The following PTPRD variants were observed in gnomAD, a reference collection of about 807,000 sequenced individuals.
The protein encoded by PTPRD is protein tyrosine phosphatase receptor type D, also known as receptor-type tyrosine-protein phosphatase delta.
PTPRD carries 34 observed loss-of-function variants against 214.5 expected under a neutral mutation model. The ratio of observed to expected loss-of-function variants is 0.16; its 90% confidence interval spans 0.12 to 0.21. The LOEUF (loss-of-function observed/expected upper bound fraction) is 0.21, where lower values mean the gene tolerates loss of function less well. PTPRD is among the 10% of genes least tolerant of loss of function. PTPRD has a pLI of 1.00. For synonymous variants in PTPRD, 1,128 were observed against 845.7 expected (o/e 1.33, Z -5.79); for missense variants, 2,545 against 2,398.7 (o/e 1.06, Z -1.27).
chr9:8,643,833 C>G (rs749848728), intron 12 of PTPRD, among the ~76,000 whole-genome samples: 6 of 152,222 alleles, frequency 3.9e-5, no homozygotes, highest in Non-Finnish European at 8.8e-5. Flanking sequence ...TTGGCGTGAG[C>G]AGCCTGGGTG....
chr9:9,376,378 C>G (rs2060807728), intron 9 of PTPRD, among the ~76,000 whole-genome samples: 1 of 152,104 alleles, frequency 6.6e-6, no homozygotes, highest in Non-Finnish European at 1.5e-5. Flanking sequence ...TCAGTGATTA[C>G]TAAAAACCAA....
At chr9:9,666,219 G>C (rs534006140) in intron 7 of PTPRD, among the ~76,000 whole-genome samples, 1 of 151,894 alleles carries the variant, frequency 6.6e-6, no homozygotes, top group Non-Finnish European at 1.5e-5. Flanking sequence ...ATTGGTGAGG[G>C]ATTGGTTAAT....
chr9:10,004,469 T>C (rs1325852218), intron 4 of PTPRD, among the ~76,000 whole-genome samples: 1 of 151,980 alleles, frequency 6.6e-6, no homozygotes, highest in Non-Finnish European at 1.5e-5. Flanking sequence ...CATTTTCTTT[T>C]CTTTTCACAT....
intron 12 of PTPRD, among the ~76,000 whole-genome samples, chr9:8,677,100 G>A (rs1323896882): frequency 6.6e-6 from 1 of 152,140 alleles, no homozygotes. Context: ...AAAGGATGTT[G>A]CACTTTAATA....
intron 3 of PTPRD, among the ~76,000 whole-genome samples, chr9:10,168,667 A>G (rs1416483755): frequency 1.3e-5 from 2 of 152,236 alleles, no homozygotes; most frequent in Non-Finnish European, 2.9e-5. Context: ...TTTAGCCAAA[A>G]AAGTATTTAT....
At chr9:8,514,188 C>T (rs1244236062) in intron 21 of PTPRD, among the ~76,000 whole-genome samples, 1 of 152,094 alleles carries the variant, frequency 6.6e-6, no homozygotes, top group Non-Finnish European at 1.5e-5. Flanking sequence ...AAGATATGGT[C>T]TGTCTACTTC....
At chr9:8,718,720 G>A (rs1238486152) in intron 12 of PTPRD, among the ~76,000 whole-genome samples, 5 of 152,132 alleles carry the variant, frequency 3.3e-5, no homozygotes, top group South Asian at 2.1e-4. Flanking sequence ...CTGCAGAAAC[G>A]TGTGCCTCCT....
intron 7 of PTPRD, among the ~76,000 whole-genome samples, chr9:9,670,911 T>C (rs1415657715): frequency 6.6e-6 from 1 of 152,030 alleles, no homozygotes. Context: ...GGAAAGGAAA[T>C]GTGGGGTTGG....
At position 10,033,759 on chromosome 9, in the gene PTPRD, G is replaced by A. The variant is rs2097126800; in HGVS notation, c.-513C>T. The A allele has an allele frequency of 2.6e-5, 4 of 152,030 alleles. No individual in the cohort carries two copies. Among genetic ancestry groups the A allele is most frequent in the Non-Finnish European group, 5.9e-5 (4 of 67,958 alleles). 9.4% of individuals were successfully genotyped at this position (152,030 alleles called of 1,614,324 possible). On this transcript the variant is annotated 5_prime_UTR_variant, in exon 4 of 46. Transcript: ENST00000381196. ...CCTACAAGATGATTTTATAGCTGGAGGATGAAAAGTATCAGACTCCTCAAG... is the reference window on the plus strand; with the variant it reads ...CCTACAAGATGATTTTATAGCTGGAAGATGAAAAGTATCAGACTCCTCAAG...
At chr9:8,559,743 T>C (rs2085416538) in intron 14 of PTPRD, among the ~76,000 whole-genome samples, 1 of 152,224 alleles carries the variant, frequency 6.6e-6, no homozygotes, top group Admixed American at 6.5e-5. Flanking sequence ...CCTGTGTTGA[T>C]TGCTTGAGCC....
chr9:10,606,643 C>A (rs2079477053), intron 2 of PTPRD, among the ~76,000 whole-genome samples: 1 of 151,090 alleles, frequency 6.6e-6, no homozygotes, highest in Non-Finnish European at 1.5e-5. Flanking sequence ...ATATCTAGGC[C>A]TTTATCTTAA....
chr9:8,616,272 A>C (rs2095609662), intron 14 of PTPRD, among the ~76,000 whole-genome samples: 4 of 152,262 alleles, frequency 2.6e-5, no homozygotes, highest in Admixed American at 1.3e-4. Flanking sequence ...CACTAAGCTT[A>C]TGGGAATGTC....
chr9:9,377,027 G>A (rs1424226685), intron 9 of PTPRD, among the ~76,000 whole-genome samples: 1 of 151,856 alleles, frequency 6.6e-6, no homozygotes, highest in Non-Finnish European at 1.5e-5. Flanking sequence ...TTTTTAAAAA[G>A]CATCATCAAG....
intron 3 of PTPRD, among the ~76,000 whole-genome samples, chr9:10,158,459 G>T (rs1288319974): frequency 6.6e-6 from 1 of 152,032 alleles, no homozygotes; most frequent in Non-Finnish European, 1.5e-5. Flanking sequence ...TGTTGGATTT[G>T]GTTTGCTAAA....
chr9:10,122,855 G>A (rs1251217880), intron 3 of PTPRD, among the ~76,000 whole-genome samples: 1 of 152,174 alleles, frequency 6.6e-6, no homozygotes, highest in Non-Finnish European at 1.5e-5. Flanking sequence ...TTATACAGCA[G>A]TTGTAAACTG....
intron 10 of PTPRD, among the ~76,000 whole-genome samples, chr9:9,076,476 A>G (rs894008064): frequency 1.3e-5 from 2 of 152,022 alleles, no homozygotes; most frequent in African/African-American, 2.4e-5. Flanking sequence ...TCTGGTAAGT[A>G]TCATTCTACT....
At chr9:10,566,192 C>A (rs542520339) in intron 2 of PTPRD, among the ~76,000 whole-genome samples, 1 of 151,948 alleles carries the variant, frequency 6.6e-6, no homozygotes, top group African/African-American at 2.4e-5. Flanking sequence ...GCACTTGTGC[C>A]TTTCCAGGTT....
At chr9:9,815,128 T>TA (rs768203152) in intron 5 of PTPRD, among the ~76,000 whole-genome samples, 1 of 152,022 alleles carries the variant, frequency 6.6e-6, no homozygotes, top group East Asian at 1.9e-4. Context: ...GCTATAGTAA[T>TA]AAAAAATATG....
At chr9:9,202,075 G>T (rs75480386) in intron 9 of PTPRD, among the ~76,000 whole-genome samples, 1 of 152,220 alleles carries the variant, frequency 6.6e-6, no homozygotes, top group African/African-American at 2.4e-5. Flanking sequence ...TGATGGAAAA[G>T]ATGCCATTTG....
Sources: gnomAD v4.1 joint callset for allele counts (sites outside exome capture counted in the v4.1 genomes callset) on GRCh38, gnomAD v4.1.1 for gene constraint, MANE v1.5 for transcripts, NCBI Gene and HGNC (gene_info 2026-07-23, HGNC 2026-07-21) for gene names.